Variants in SMAD2 observed in about 807,000 individuals in gnomAD.
SMAD2 encodes SMAD family member 2.
Under a neutral mutation model 64.4 loss-of-function variants are expected in SMAD2, and 8 were observed. The ratio of observed to expected loss-of-function variants is 0.12; its 90% CI spans 0.07 to 0.22. The LOEUF (loss-of-function observed/expected upper bound fraction) is 0.22. SMAD2 is among the 10% of genes least tolerant of loss of function. The pLI is 1.00. For synonymous variants in SMAD2, 203 were observed against 195.8 expected (o/e 1.04, Z -0.31); for missense variants, 289 against 561.2 (o/e 0.51, Z 4.90).
At chr18:47,920,056 GA>G (rs2034502048) in intron 1 of SMAD2, 2 of 152,230 alleles carry the variant, frequency 1.3e-5, no homozygotes, top group Non-Finnish European at 2.9e-5. Context: ...ATAAACAACA[GA>G]AATTTATTTC....
At position 47,834,936 on chromosome 18, in the gene SMAD2, C is replaced by T; in HGVS notation, c.*6891G>A. On this transcript the variant is annotated 3_prime_UTR_variant, in exon 11 of 11. Transcript: ENST00000262160. The stretch of plus-strand genomic sequence containing the variant: ...AGACACAGCCCTCCGATTACAAAGG[C>T]CCAGAATGTTACTTTTAACTGTGCT... The T allele has an allele frequency of 4.5e-6, 1 of 223,440 alleles. No homozygotes were observed. The highest frequency in any genetic ancestry group is 8.9e-6 in the Non-Finnish European group (1 of 111,778). The allele number at this position is 223,440 out of a possible 1,614,324, so 13.8% of individuals were successfully genotyped here. A position where few individuals can be genotyped will look rare whatever the true frequency, so the allele number is the denominator to read the frequency against.
At chr18:47,892,086 C>G (rs1160364650) in intron 2 of SMAD2, among the ~76,000 whole-genome samples, 3 of 152,048 alleles carry the variant, frequency 2.0e-5, no homozygotes, top group African/African-American at 7.3e-5. Context: ...AAAGCCCTTT[C>G]TGGATCCATG....
At chr18:47,867,852 G>A (rs762146198) in intron 5 of SMAD2, among the ~76,000 whole-genome samples, 1 of 152,044 alleles carries the variant, frequency 6.6e-6, no homozygotes, top group Non-Finnish European at 1.5e-5. Flanking sequence ...ATATGTAAGT[G>A]TTGCTATGTC....
rs1445462854 is a variant in SMAD2 at position 47,839,012 on chromosome 18, GA to G, written c.*2814del. Reference sequence around the variant, plus strand: ...TGAAAACCACACCTATAAATGGGGGGAGGGGCAGAAAACAAAAAAAAAATCA... The same window carrying G: ...TGAAAACCACACCTATAAATGGGGGGGGGGCAGAAAACAAAAAAAAAATCA... On this transcript the variant is annotated 3_prime_UTR_variant, in exon 11 of 11. Transcript: ENST00000262160. The G allele has an allele frequency of 1.6e-5, 3 of 193,254 alleles. No individual in the cohort carries two copies. The highest frequency in any genetic ancestry group is 1.9e-5 in the Non-Finnish European group (2 of 103,728). The allele number at this position is 193,254 out of a possible 1,614,324, so 12.0% of individuals were successfully genotyped here.
intron 1 of SMAD2, among the ~76,000 whole-genome samples, chr18:47,907,136 G>T (rs563427628): frequency 6.6e-6 from 1 of 151,884 alleles, no homozygotes; most frequent in Admixed American, 6.6e-5. Context: ...TTGGAAAACC[G>T]GCAAGTTCCA....
At chr18:47,897,021 C>A (rs2033468712) in intron 1 of SMAD2, among the ~76,000 whole-genome samples, 2 of 152,276 alleles carry the variant, frequency 1.3e-5, no homozygotes, top group South Asian at 2.1e-4. Flanking sequence ...GTAAGGACTC[C>A]TCTTGTGGGA....
At chr18:47,863,521 G>T (rs1349427519) in intron 6 of SMAD2, among the ~76,000 whole-genome samples, 1 of 152,104 alleles carries the variant, frequency 6.6e-6, no homozygotes, top group Non-Finnish European at 1.5e-5. Context: ...TGCTGAATAG[G>T]TGTCTGTGCA....
At chr18:47,887,863 T>C (rs1381865927) in intron 2 of SMAD2, among the ~76,000 whole-genome samples, 14 of 152,150 alleles carry the variant, frequency 9.2e-5, no homozygotes. Flanking sequence ...AAGGGAGAAA[T>C]ACCTTAACAT....
At position 47,896,564 on chromosome 18, in the gene SMAD2, T is replaced by C. The variant is rs1242869146; in HGVS notation, c.193A>G (p.Ile65Val). 2 of 1,614,050 alleles carry C rather than the reference T, an allele frequency of 1.2e-6. No homozygotes were observed. The highest frequency in any genetic ancestry group is 2.2e-5 in the South Asian group (2 of 91,090). Residue 65 changes from isoleucine (I) to valine (V), a missense_variant, in exon 2 of 11, where the codon ATC (isoleucine) becomes GTC (valine). Around this residue, in one of 6 missense-constraint regions of SMAD2, gnomAD observed 89 missense variants for 137.1 expected, o/e 0.65. Transcript: ENST00000262160. ...TTAGTATTACAGTTTTGAGTGGTGA[T>C]GGCTTTCTCAAGCTCATCTAATCGT... ...TGRLDELEKA[I>V]TTQNCNTKCV...
chr18:47,815,849 A>G lies in SMAD2; in HGVS notation c.*25978T>C, dbSNP rs777416495. Reference sequence around the variant, plus strand: ...TACTGAGCCCATGTATGCTGTAGGAAAAAGCTAGTGGTGCCAGAGTTTAAG... The same window carrying G: ...TACTGAGCCCATGTATGCTGTAGGAGAAAGCTAGTGGTGCCAGAGTTTAAG... On this transcript the variant is annotated 3_prime_UTR_variant, in exon 11 of 11. Transcript: ENST00000262160. The G allele has an allele frequency of 3.9e-5, 6 of 152,260 alleles. No individual in the cohort carries two copies. Among genetic ancestry groups the G allele is most frequent in the Non-Finnish European group, 5.9e-5 (4 of 68,072 alleles). 9.4% of individuals were successfully genotyped at this position (152,260 alleles called of 1,614,324 possible).
At chr18:47,906,151 A>T (rs1297508441) in intron 1 of SMAD2, among the ~76,000 whole-genome samples, 1 of 152,006 alleles carries the variant, frequency 6.6e-6, no homozygotes, top group Non-Finnish European at 1.5e-5. Flanking sequence ...AGAAAAAAAA[A>T]ATACAGGCTG....
intron 1 of SMAD2, among the ~76,000 whole-genome samples, chr18:47,920,721 T>C (rs574350757): frequency 6.6e-6 from 1 of 152,370 alleles, no homozygotes; most frequent in East Asian, 1.9e-4. Flanking sequence ...CAAATGTAGA[T>C]ATTCTTTGAA....
intron 2 of SMAD2, among the ~76,000 whole-genome samples, chr18:47,881,984 C>CCTCCCACCTCAGCCTTCCAAATAA (rs1261904501): frequency 6.3e-4 from 94 of 150,200 alleles, no homozygotes; most frequent in African/African-American, 2.2e-3. Flanking sequence ...TCCAAGTAAC[C>CCTCCCACCTCAGCCTTCCAAATAA]CTCCCACCTC....
Position 47,836,174 on chromosome 18 carries a change from G to A in SMAD2, c.*5653C>T. ...CAAAGATCTGAATCACCTTCAATCA[G>A]GCTGTAAGATACTAGAAAATTTGAC... is the stretch of plus-strand genomic sequence containing the variant. On this transcript the variant is annotated 3_prime_UTR_variant, in exon 11 of 11. Transcript: ENST00000262160. 4.5e-6 allele frequency: 1 copy of A among 221,140 alleles called. No individual in the cohort carries two copies. The highest frequency in any genetic ancestry group is 9.1e-6 in the Non-Finnish European group (1 of 110,440). The allele number at this position is 221,140 out of a possible 1,614,324, so 13.7% of individuals were successfully genotyped here. A position where few individuals can be genotyped will look rare whatever the true frequency, so the allele number is the denominator to read the frequency against.
intron 7 of SMAD2, among the ~76,000 whole-genome samples, chr18:47,850,029 C>G (rs1230112560): frequency 1.3e-5 from 2 of 149,300 alleles, no homozygotes; most frequent in Non-Finnish European, 3.0e-5. Flanking sequence ...AAAATAAATA[C>G]AATTTGTATT....
At chr18:47,916,016 C>G (rs906160953) in intron 1 of SMAD2, among the ~76,000 whole-genome samples, 11 of 152,200 alleles carry the variant, frequency 7.2e-5, no homozygotes, top group Non-Finnish European at 1.6e-4. Context: ...CGTTGTCCAT[C>G]AAAATTATCA....
At chr18:47,861,016 T>C (rs2031136772) in intron 6 of SMAD2, among the ~76,000 whole-genome samples, 1 of 151,962 alleles carries the variant, frequency 6.6e-6, no homozygotes. Context: ...ATTGTAGGTC[T>C]TAGTTAGGAC....
chr18:47,901,023 G>A (rs1285186554), intron 1 of SMAD2, among the ~76,000 whole-genome samples: 2 of 152,178 alleles, frequency 1.3e-5, no homozygotes, highest in African/African-American at 4.8e-5. Flanking sequence ...CAAGGGAAAA[G>A]ATGGTTAATA....
chr18:47,867,531 A>G (rs989047018), intron 5 of SMAD2, among the ~76,000 whole-genome samples: 1 of 151,888 alleles, frequency 6.6e-6, no homozygotes, highest in Non-Finnish European at 1.5e-5. Flanking sequence ...TTACAAAAGG[A>G]AGAAAGAAAT....
Sources: allele counts gnomAD v4.1 joint callset (sites outside exome capture counted in the v4.1 genomes callset), GRCh38; gene constraint gnomAD v4.1.1; regional missense constraint gnomAD v4.1.1; transcripts MANE v1.5; gene names NCBI Gene and HGNC (gene_info 2026-07-23, HGNC 2026-07-21).